AKAP7: variants seen among roughly 807,000 people sequenced by gnomAD.
AKAP7 encodes A kinase (PRKA) anchor protein 7.
Under a neutral mutation model 39.5 loss-of-function variants are expected in AKAP7, and 39 were observed. The observed-to-expected ratio is 0.99, with a 90% CI of 0.76 to 1.29. AKAP7 has a LOEUF of 1.29. AKAP7 is among the 50% of genes most tolerant of loss of function. The pLI, the probability that AKAP7 is intolerant of heterozygous loss-of-function variation, is 0.00. For synonymous variants in AKAP7, 140 were observed against 139.1 expected (o/e 1.01, Z -0.05); for missense variants, 414 against 407.7 (o/e 1.02, Z -0.13).
intron 6 of AKAP7, among the ~76,000 whole-genome samples, chr6:131,200,528 G>C (rs1807453266): frequency 6.6e-6 from 1 of 151,974 alleles, no homozygotes; most frequent in African/African-American, 2.4e-5. Context: ...GCCACATTTT[G>C]TATTTAATGT....
rs76116374 is a variant in AKAP7 at position 131,252,156 on chromosome 6, T to C, written c.851-29374T>C. Among the ~76,000 whole-genome samples the C allele has an allele frequency of 8.5e-5, 13 of 152,372 alleles. No individual in the cohort carries two copies. The East Asian group carries it at 2.5e-3, about 29-fold the overall frequency. On this transcript the variant is annotated intron_variant, in intron 7 of 7. Coordinates refer to ENST00000431975, the MANE Select transcript of AKAP7 (RefSeq NM_016377.4). Reference sequence around the variant, plus strand: ...TTTCTGTCTTCCTTATCAGGGACTGTTGAAGAACAGTCTTCTGTTTTACAT... The same window carrying C: ...TTTCTGTCTTCCTTATCAGGGACTGCTGAAGAACAGTCTTCTGTTTTACAT...
chr6:131,220,870 A>T (rs905994126), intron 7 of AKAP7, among the ~76,000 whole-genome samples: 1 of 152,204 alleles, frequency 6.6e-6, no homozygotes, highest in Non-Finnish European at 1.5e-5. Context: ...TTGTATTCAT[A>T]TAAGATAGCA....
chr6:131,188,379 G>T (rs1806074230), intron 5 of AKAP7, among the ~76,000 whole-genome samples: 1 of 152,122 alleles, frequency 6.6e-6, no homozygotes, highest in Non-Finnish European at 1.5e-5. Flanking sequence ...AAAGTTTCAG[G>T]TGACGAAAAG....
At chr6:131,175,835 C>T (rs1247464699) in intron 5 of AKAP7, among the ~76,000 whole-genome samples, 1 of 152,130 alleles carries the variant, frequency 6.6e-6, no homozygotes, top group Admixed American at 6.5e-5. Flanking sequence ...TAAGTTTCCC[C>T]CAGTTTATTG....
chr6:131,177,636 G>A (rs1804713514), intron 5 of AKAP7, among the ~76,000 whole-genome samples: 1 of 152,014 alleles, frequency 6.6e-6, no homozygotes, highest in Non-Finnish European at 1.5e-5. Flanking sequence ...GTTTTGGTGG[G>A]GAAAAACCAC....
At chr6:131,246,394 G>T (rs1047262384) in intron 7 of AKAP7, among the ~76,000 whole-genome samples, 1 of 152,112 alleles carries the variant, frequency 6.6e-6, no homozygotes, top group African/African-American at 2.4e-5. Context: ...GCATGGAAAG[G>T]TTATGGTTTT....
intron 3 of AKAP7, among the ~76,000 whole-genome samples, chr6:131,162,728 G>A (rs1270930520): frequency 1.3e-5 from 2 of 152,150 alleles, no homozygotes; most frequent in African/African-American, 4.8e-5. Context: ...CCCAGGAAAA[G>A]CCTTCTCTGG....
chr6:131,275,339 A>T (rs1375581501), intron 7 of AKAP7, among the ~76,000 whole-genome samples: 1 of 152,198 alleles, frequency 6.6e-6, no homozygotes. Flanking sequence ...TGGTTTAGAG[A>T]GGTCACGGAC....
At chr6:131,236,446 T>G (rs1298744128) in intron 7 of AKAP7, among the ~76,000 whole-genome samples, 1 of 152,230 alleles carries the variant, frequency 6.6e-6, no homozygotes, top group African/African-American at 2.4e-5. Context: ...GTGAAGAAAG[T>G]CATTGGTAGC....
intron 1 of AKAP7, 43 bp from the exon 2 acceptor site, chr6:131,145,242 C>T (rs781554243): frequency 7.9e-6 from 10 of 1,263,684 alleles, no homozygotes; most frequent in African/African-American, 1.5e-5. Context: ...TAAATAATGA[C>T]AAGTTAAATA....
chr6:131,234,176 A>T (rs1292228016), intron 7 of AKAP7, among the ~76,000 whole-genome samples: 2 of 152,154 alleles, frequency 1.3e-5, no homozygotes, highest in Non-Finnish European at 1.5e-5. Context: ...TCTTCAGTTC[A>T]ATTTTGGTTA....
chr6:131,187,366 T>C (rs1805967960), intron 5 of AKAP7, among the ~76,000 whole-genome samples: 2 of 152,130 alleles, frequency 1.3e-5, no homozygotes, highest in Admixed American at 1.3e-4. Context: ...TTCCTAAGTA[T>C]TTTAAAATTT....
chr6:131,133,603 G>A (rs1800375463), upstream of AKAP7, among the ~76,000 whole-genome samples: 1 of 152,186 alleles, frequency 6.6e-6, no homozygotes, highest in Admixed American at 6.5e-5. Context: ...CCTCTGCTTA[G>A]GTAAGAGAAT....
intron 7 of AKAP7, among the ~76,000 whole-genome samples, chr6:131,260,596 GTCT>G (rs1420413020): frequency 2.0e-5 from 3 of 152,190 alleles, no homozygotes; most frequent in African/African-American, 7.2e-5. Flanking sequence ...CTGCACAGAT[GTCT>G]TCTTTTGAGA....
At chr6:131,229,572 T>C (rs1810470282) in intron 7 of AKAP7, among the ~76,000 whole-genome samples, 2 of 152,064 alleles carry the variant, frequency 1.3e-5, no homozygotes, top group African/African-American at 4.8e-5. Flanking sequence ...TGTTCTTGAA[T>C]TCCTGACCTC....
chr6:131,134,116 C>A (rs478984), upstream of AKAP7, among the ~76,000 whole-genome samples: 20,223 of 152,058 alleles, frequency 0.13, 1,682 homozygotes, highest in South Asian at 0.18. Flanking sequence ...GGATTACAGG[C>A]ATGGGTCACC....
At chr6:131,220,089 T>C (rs1809568189) in intron 7 of AKAP7, among the ~76,000 whole-genome samples, 1 of 152,218 alleles carries the variant, frequency 6.6e-6, no homozygotes, top group South Asian at 2.1e-4. Context: ...TTCAATTTAA[T>C]TTTATTTCAT....
Position 131,160,293 on chromosome 6 carries a change from A to T in AKAP7, c.291+95A>T, listed in dbSNP as rs1025600773. 51 of 1,321,968 alleles carry T rather than the reference A, an allele frequency of 3.9e-5. No homozygotes were observed. The East Asian group carries it at 1.2e-3, about 31-fold the overall frequency. The allele number at this position is 1,321,968 out of a possible 1,614,324, so 81.9% of individuals were successfully genotyped here. ...TTAGCCCACTTGCTCTTAGCTTTTA[A>T]GAGTATTTGGTGGCATTTTAGCAGG... On this transcript the variant is annotated intron_variant, in intron 3 of 7. Transcript: ENST00000431975.
At chr6:131,138,108 C>G (rs184905454) in intron 1 of AKAP7, among the ~76,000 whole-genome samples, 2 of 152,256 alleles carry the variant, frequency 1.3e-5, no homozygotes, top group African/African-American at 4.8e-5. Flanking sequence ...ATGTTCCCCC[C>G]ACCCGTTCCA....
Sources: allele counts gnomAD v4.1 joint callset (sites outside exome capture counted in the v4.1 genomes callset), GRCh38; gene constraint gnomAD v4.1.1; transcripts MANE v1.5; gene names NCBI Gene and HGNC (gene_info 2026-07-23, HGNC 2026-07-21).